RFX3: variants seen among roughly 807,000 people sequenced by gnomAD.
RFX3 encodes transcription factor RFX3.
Under a neutral mutation model 98.6 loss-of-function variants are expected in RFX3, and 14 were observed. The ratio of observed to expected loss-of-function variants is 0.14; its 90% CI spans 0.09 to 0.22. RFX3 has a LOEUF of 0.22. Ranked by LOEUF, RFX3 falls within the 10% of genes least tolerant of loss-of-function variation. The pLI is 1.00. For missense variants in RFX3, 639 were observed against 926.9 expected (o/e 0.69, Z 4.03); for synonymous variants, 383 against 328.4 (o/e 1.17, Z -1.80).
chr9:3,493,734 T>C (rs1390334927), intron 1 of RFX3, among the ~76,000 whole-genome samples: 3 of 134,164 alleles, frequency 2.2e-5, no homozygotes, highest in Non-Finnish European at 3.2e-5. Context: ...TATACATACA[T>C]ACACACACAC....
At position 3,219,952 on chromosome 9, in the gene RFX3, A is replaced by T. The variant is rs945743065; in HGVS notation, c.*5090T>A. The T allele has an allele frequency of 1.3e-5, 2 of 152,198 alleles. No individual in the cohort carries two copies. Among genetic ancestry groups the T allele is most frequent in the Non-Finnish European group, 2.9e-5 (2 of 68,044 alleles). The allele number at this position is 152,198 out of a possible 1,614,324, so 9.4% of individuals were successfully genotyped here. Reference sequence around the variant, plus strand: ...GACAACACTGCTTTCATGTTCGATCACGCAGGGAACAGAGGGAATCAAGTG... The same window carrying T: ...GACAACACTGCTTTCATGTTCGATCTCGCAGGGAACAGAGGGAATCAAGTG... On this transcript the variant is annotated 3_prime_UTR_variant, in exon 17 of 17. Coordinates refer to ENST00000617270, the MANE Select transcript of RFX3 (RefSeq NM_001282116.2).
chr9:3,446,427 T>TA (rs1217848104), intron 1 of RFX3, among the ~76,000 whole-genome samples: 3 of 152,218 alleles, frequency 2.0e-5, no homozygotes, highest in Admixed American at 1.3e-4. Flanking sequence ...CTCAAGAATG[T>TA]AAAATGGTTG....
chr9:3,523,422 C>G (rs751907375), intron 1 of RFX3, among the ~76,000 whole-genome samples: 2 of 152,050 alleles, frequency 1.3e-5, no homozygotes, highest in African/African-American at 4.8e-5. Context: ...CACAGCAGCT[C>G]TAATAGCAAT....
chr9:3,410,733 C>T (rs566143233), intron 1 of RFX3, among the ~76,000 whole-genome samples: 6 of 152,152 alleles, frequency 3.9e-5, no homozygotes, highest in East Asian at 3.8e-4. Flanking sequence ...TATTTATCTA[C>T]GCTAAAATGT....
chr9:3,266,764 T>A (rs982222358), intron 11 of RFX3, among the ~76,000 whole-genome samples: 3 of 152,084 alleles, frequency 2.0e-5, no homozygotes, highest in Admixed American at 6.6e-5. Context: ...GCTCTGTTTC[T>A]CTATGCATCT....
intron 2 of RFX3, among the ~76,000 whole-genome samples, chr9:3,375,686 C>G (rs554809810): frequency 1.3e-5 from 2 of 152,166 alleles, no homozygotes; most frequent in African/African-American, 2.4e-5. Context: ...ATTAGCCAGG[C>G]ATGGTGGCTC....
chr9:3,235,923 C>T (rs1001315048), intron 15 of RFX3, among the ~76,000 whole-genome samples: 1 of 152,124 alleles, frequency 6.6e-6, no homozygotes, highest in Non-Finnish European at 1.5e-5. Flanking sequence ...AAGATGTAGA[C>T]ATTTTAATGC....
intron 1 of RFX3, among the ~76,000 whole-genome samples, chr9:3,440,355 T>G (rs7864459): frequency 0.16 from 25,019 of 152,010 alleles, 2,873 homozygotes; most frequent in African/African-American, 0.32. Context: ...AAAGTTAGCA[T>G]CTATAAAATC....
chr9:3,381,082 G>T (rs1252597102), intron 2 of RFX3, among the ~76,000 whole-genome samples: 1 of 151,966 alleles, frequency 6.6e-6, no homozygotes, highest in East Asian at 1.9e-4. Flanking sequence ...TTCTAAAAGT[G>T]CTTGGGAAAA....
chr9:3,424,473 T>C (rs991537506), intron 1 of RFX3, among the ~76,000 whole-genome samples: 1 of 143,432 alleles, frequency 7.0e-6, no homozygotes, highest in South Asian at 2.4e-4. Context: ...GCCATTCTCC[T>C]GCCTCAGCCT....
At chr9:3,374,451 T>G (rs1405011553) in intron 2 of RFX3, among the ~76,000 whole-genome samples, 2 of 151,960 alleles carry the variant, frequency 1.3e-5, no homozygotes, top group Non-Finnish European at 2.9e-5. Flanking sequence ...GGCCAAAAGG[T>G]GGAAGCAACC....
intron 15 of RFX3, 143 bp downstream of exon 15, chr9:3,247,889 G>C: frequency 6.2e-7 from 1 of 1,609,306 alleles, no homozygotes; most frequent in Middle Eastern, 1.7e-4. Flanking sequence ...AGGAACTCTT[G>C]CAATAACTCC....
intron 14 of RFX3, among the ~76,000 whole-genome samples, chr9:3,253,501 G>A (rs753353794): frequency 9.9e-5 from 15 of 152,044 alleles, no homozygotes; most frequent in Non-Finnish European, 2.2e-4. Context: ...CACACAAGCT[G>A]AGAAATGGCC....
chr9:3,414,265 T>C (rs1302078986), intron 1 of RFX3, among the ~76,000 whole-genome samples: 2 of 152,258 alleles, frequency 1.3e-5, no homozygotes, highest in Middle Eastern at 3.4e-3. Context: ...TAATGTTTTC[T>C]GTATTTCCAA....
intron 15 of RFX3, among the ~76,000 whole-genome samples, chr9:3,243,596 C>A (rs772857125): frequency 1.3e-5 from 2 of 152,124 alleles, no homozygotes; most frequent in Non-Finnish European, 2.9e-5. Context: ...TTCTTTCCTG[C>A]CTGCCTGCTC....
At chr9:3,341,822 A>C in intron 3 of RFX3, among the ~76,000 whole-genome samples, 1 of 152,330 alleles carries the variant, frequency 6.6e-6, no homozygotes, top group Non-Finnish European at 1.5e-5. Context: ...CTCCTATACC[A>C]GTCAGAATGT....
At chr9:3,448,659 C>T (rs1161654888) in intron 1 of RFX3, among the ~76,000 whole-genome samples, 1 of 152,304 alleles carries the variant, frequency 6.6e-6, no homozygotes, top group East Asian at 1.9e-4. Flanking sequence ...GCTAGGACTA[C>T]AGATGCATTC....
chr9:3,481,406 T>C lies in RFX3; in HGVS notation c.-9+44341A>G, dbSNP rs1055933379. The stretch of plus-strand genomic sequence containing the variant: ...TATACAGCTATTAAAACTGTAATCA[T>C]AGCAAACACATCTAACTAACATGAA... On this transcript the variant is annotated intron_variant, in intron 1 of 16. Coordinates refer to ENST00000617270, the MANE Select transcript of RFX3 (RefSeq NM_001282116.2). Among the ~76,000 whole-genome samples, 8 of 152,116 alleles carry C rather than the reference T, an allele frequency of 5.3e-5. No individual in the cohort carries two copies. The South Asian group carries it at 8.3e-4, about 16-fold the overall frequency.
At chr9:3,358,740 G>T (rs1836062060) in intron 2 of RFX3, among the ~76,000 whole-genome samples, 1 of 152,060 alleles carries the variant, frequency 6.6e-6, no homozygotes, top group African/African-American at 2.4e-5. Context: ...AAAGGAAAGA[G>T]GTTTAATTAA....
Sources: allele counts gnomAD v4.1 joint callset (sites outside exome capture counted in the v4.1 genomes callset), GRCh38; gene constraint gnomAD v4.1.1; transcripts MANE v1.5; gene names NCBI Gene and HGNC (gene_info 2026-07-23, HGNC 2026-07-21).